The following NPC1 variants were observed in gnomAD, a reference collection of about 807,000 sequenced individuals.
NPC1 encodes NPC intracellular cholesterol transporter 1, also known as Niemann-Pick C1 protein.
In NPC1, 85 loss-of-function variants were observed where a neutral mutation model predicts 140.4. The observed-to-expected ratio is 0.61, with a 90% CI of 0.51 to 0.72. The LOEUF (loss-of-function observed/expected upper bound fraction) is 0.72. Among genes scored for constraint, NPC1 ranks in the 30% least tolerant of loss-of-function variants. The pLI is 0.00. For synonymous variants in NPC1, 656 were observed against 624.8 expected (o/e 1.05, Z -0.74); for missense variants, 1,504 against 1,623.8 (o/e 0.93, Z 1.27).
In NPC1 at chr18:23,540,937, G is replaced by T. The variant is rs567518882; in HGVS notation, c.2514+131C>A. 2.0e-4 allele frequency: 211 copies of T among 1,040,364 alleles called. 2 individuals carry two copies. In the African/African-American group the frequency reaches 2.8e-3, roughly 14 times the overall value. The allele number at this position is 1,040,364 out of a possible 1,614,324, so 64.4% of individuals were successfully genotyped here. Reference sequence around the variant, plus strand: ...ACATTTTATCTACTGTTCCACATTTGCTTTTGCTTTTTTTTTAGATACATT... The same window carrying T: ...ACATTTTATCTACTGTTCCACATTTTCTTTTGCTTTTTTTTTAGATACATT... On this transcript the variant is annotated intron_variant, in intron 16 of 24. Transcript: ENST00000269228.
chr18:23,548,323 T>C (rs2058817751), intron 10 of NPC1, among the ~76,000 whole-genome samples: 1 of 150,580 alleles, frequency 6.6e-6, no homozygotes. Context: ...ATGGTTATCA[T>C]TCAGGAAGAG....
At chr18:23,525,198 G>A (rs1025514710), downstream of NPC1, among the ~76,000 whole-genome samples, 7 of 151,438 alleles carry the variant, frequency 4.6e-5, no homozygotes, top group South Asian at 2.1e-4. Context: ...CGCCTGCCTC[G>A]GCCTCCCAAA....
chr18:23,557,402 A>G (rs1045274835), intron 6 of NPC1, among the ~76,000 whole-genome samples: 2 of 152,222 alleles, frequency 1.3e-5, no homozygotes, highest in African/African-American at 2.4e-5. Flanking sequence ...GAGAACAATT[A>G]ATAAAGGATA....
chr18:23,545,587 T>C (rs1482883335), intron 11 of NPC1, among the ~76,000 whole-genome samples: 7 of 152,144 alleles, frequency 4.6e-5, no homozygotes, highest in Non-Finnish European at 7.4e-5. Flanking sequence ...TTAGGATCCT[T>C]TGTTTGCTTT....
In NPC1 at chr18:23,531,861, G is replaced by A. The variant is rs1734927223; in HGVS notation, c.*341C>T. The stretch of plus-strand genomic sequence containing the variant: ...TTGTGGGATGGCTTACTCCTAAAAG[G>A]AGAGACAGACAGTGCATTGATTGGC... On this transcript the variant is annotated 3_prime_UTR_variant, in exon 25 of 25. Coordinates refer to ENST00000269228, the MANE Select transcript of NPC1 (RefSeq NM_000271.5). The A allele has an allele frequency of 6.9e-7, 1 of 1,450,790 alleles. No homozygotes were observed. The highest frequency in any genetic ancestry group is 1.4e-5 in the African/African-American group (1 of 69,910). 89.9% of individuals were successfully genotyped at this position (1,450,790 alleles called of 1,614,324 possible).
downstream of NPC1, chr18:23,531,379 T>C (rs906522639): frequency 1.8e-5 from 11 of 603,906 alleles, no homozygotes; most frequent in African/African-American, 1.9e-4. Context: ...ATGAAACTTC[T>C]AGGTCTATTT....
At chr18:23,547,652 G>A (rs2058807934) in intron 11 of NPC1, among the ~76,000 whole-genome samples, 1 of 152,126 alleles carries the variant, frequency 6.6e-6, no homozygotes, top group Admixed American at 6.5e-5. Flanking sequence ...TGAGGTGGGA[G>A]GATCACTTGA....
rs1219304856 is a variant in NPC1 at position 23,556,534 on chromosome 18, G to A, written c.1035C>T (p.Phe345=). ...TGACACAGCCAGGGTTTCGGACGCA[G>A]AAAGACCCCCAGCGTGTGAACAGCC... ...LRRLFTRWGS[F]CVRNPGCVIF... is the part of the protein sequence containing the mutation. The change falls in exon 8 of 25, where the codon TTC becomes TTT. Residue 345 remains phenylalanine, a synonymous_variant. Transcript: ENST00000269228. 6.2e-7 allele frequency: 1 copy of A among 1,614,148 alleles called. No homozygotes were observed.
chr18:23,561,641 G>T, intron 4 of NPC1, 114 bp from the exon 5 acceptor site: 1 of 1,037,652 alleles, frequency 9.6e-7, no homozygotes, highest in Non-Finnish European at 1.5e-6. Context: ...GCACCATGCT[G>T]GAATGCTGGA....
chr18:23,518,274 T>C (rs1459416760), downstream of NPC1, among the ~76,000 whole-genome samples: 1 of 152,140 alleles, frequency 6.6e-6, no homozygotes, highest in African/African-American at 2.4e-5. Flanking sequence ...GGGATCGCCT[T>C]GAGGCCAGGA....
At chr18:23,546,461 T>TTC (rs1441270241) in intron 11 of NPC1, among the ~76,000 whole-genome samples, 1 of 152,076 alleles carries the variant, frequency 6.6e-6, no homozygotes, top group East Asian at 1.9e-4. Flanking sequence ...AGTCTGGCAG[T>TTC]TCTTCAAACT....
chr18:23,526,112 A>G (rs1475484516), downstream of NPC1, among the ~76,000 whole-genome samples: 1 of 152,154 alleles, frequency 6.6e-6, no homozygotes, highest in Non-Finnish European at 1.5e-5. Context: ...TGGCATCCCA[A>G]TTGGGAAAGG....
At chr18:23,553,488 C>T (rs944485419) in intron 9 of NPC1, among the ~76,000 whole-genome samples, 3 of 152,132 alleles carry the variant, frequency 2.0e-5, no homozygotes, top group Non-Finnish European at 2.9e-5. Flanking sequence ...AGTCTTACTC[C>T]AGTAACAAAC....
intron 1 of NPC1, among the ~76,000 whole-genome samples, chr18:23,577,806 C>A (rs529582308): frequency 7.3e-4 from 111 of 152,376 alleles, no homozygotes; most frequent in African/African-American, 2.7e-3. Flanking sequence ...AGCGAGAAAT[C>A]GAGCGCAGCG....
At chr18:23,512,332 T>A (rs904103577) in intron 3 of NPC1, among the ~76,000 whole-genome samples, 5 of 152,202 alleles carry the variant, frequency 3.3e-5, no homozygotes, top group Admixed American at 3.3e-4. Flanking sequence ...AAAGACATTT[T>A]AATTTGCATT....
At chr18:23,522,661 A>G (rs909564323) in exon 2 of NPC1, 2 of 152,220 alleles carry the variant, frequency 1.3e-5, no homozygotes, top group African/African-American at 2.4e-5. Flanking sequence ...GGTTCTAACC[A>G]TCTGGTCATA....
chr18:23,538,102 G>A (rs1451980573), intron 20 of NPC1, among the ~76,000 whole-genome samples: 1 of 152,152 alleles, frequency 6.6e-6, no homozygotes, highest in East Asian at 1.9e-4. Context: ...TGGATGGGCT[G>A]GCAAGGAGCA....
chr18:23,544,215 G>A (rs1270309215), intron 13 of NPC1, 129 bp downstream of exon 13: 9 of 884,902 alleles, frequency 1.0e-5, no homozygotes, highest in South Asian at 4.3e-5. Context: ...CAAGACGACC[G>A]ATGAGCCACA....
At position 23,537,034 on chromosome 18, in the gene NPC1, A is replaced by G. The variant is rs12964689; in HGVS notation, c.3042-158T>C. On this transcript the variant is annotated intron_variant, in intron 20 of 24. Transcript: ENST00000269228. ...GAAGAAGGCCCCCAGATAAGGGAACACCAAAGGTTTAGCTTGTTCTCTCCC... is the reference window on the plus strand; with the variant it reads ...GAAGAAGGCCCCCAGATAAGGGAACGCCAAAGGTTTAGCTTGTTCTCTCCC... Among the ~76,000 whole-genome samples, 74,536 of 151,854 alleles carry G rather than the reference A, an allele frequency of 0.49. 18,503 individuals are homozygous for G. Among genetic ancestry groups the G allele is most frequent in the East Asian group, 0.63 (3,229 of 5,158 alleles).
Sources: allele counts gnomAD v4.1 joint callset (sites outside exome capture counted in the v4.1 genomes callset), GRCh38; gene constraint gnomAD v4.1.1; transcripts MANE v1.5; gene names NCBI Gene and HGNC (gene_info 2026-07-23, HGNC 2026-07-21).